The following NRP1 variants were observed in gnomAD, a reference collection of about 807,000 sequenced individuals.
The protein encoded by NRP1 is neuropilin 1.
Under a neutral mutation model 106.7 loss-of-function variants are expected in NRP1, and 35 were observed. The observed-to-expected ratio is 0.33, with a 90% CI of 0.25 to 0.43. NRP1 has a LOEUF of 0.43. Among genes scored for constraint, NRP1 ranks in the 20% least tolerant of loss-of-function variants. The probability of loss-of-function intolerance (pLI) is 1.00; values close to 1 mark genes in which losing one functional copy is unlikely to be tolerated. For synonymous variants in NRP1, 437 were observed against 417.9 expected (o/e 1.05, Z -0.56); for missense variants, 1,024 against 1,170.4 (o/e 0.87, Z 1.83).
Position 33,235,008 on chromosome 10 carries a change from C to G in NRP1, c.982-8719G>C, listed in dbSNP as rs369431590. 3.3e-5 allele frequency among the ~76,000 whole-genome samples: 5 copies of G among 152,296 alleles called. No homozygotes were observed. The South Asian group carries it at 1.0e-3, about 32-fold the overall frequency. Reference sequence around the variant, plus strand: ...ATGAAGGCCCCACACAAGGGCTGACCTCCGTCTTTTTTGGCAGATGAAAGG... The same window carrying G: ...ATGAAGGCCCCACACAAGGGCTGACGTCCGTCTTTTTTGGCAGATGAAAGG... On this transcript the variant is annotated intron_variant, in intron 6 of 16. Transcript: ENST00000374867.
intron 13 of NRP1, among the ~76,000 whole-genome samples, chr10:33,191,728 C>T (rs982507792): frequency 6.6e-6 from 1 of 152,068 alleles, no homozygotes; most frequent in African/African-American, 2.4e-5. Context: ...CCTATAATCC[C>T]AGCACTTTGG....
intron 13 of NRP1, among the ~76,000 whole-genome samples, chr10:33,189,762 A>G (rs1836281280): frequency 6.6e-6 from 1 of 152,182 alleles, no homozygotes; most frequent in South Asian, 2.1e-4. Context: ...AAACAACCCA[A>G]TGTCTGGCTT....
intron 3 of NRP1, among the ~76,000 whole-genome samples, chr10:33,269,165 C>G (rs960318758): frequency 6.6e-6 from 1 of 152,086 alleles, no homozygotes; most frequent in African/African-American, 2.4e-5. Context: ...ACATTAATGC[C>G]AACTTAAAAA....
intron 7 of NRP1, among the ~76,000 whole-genome samples, chr10:33,222,899 G>C (rs73257944): frequency 1.7e-4 from 26 of 152,330 alleles, no homozygotes; most frequent in African/African-American, 5.8e-4. Context: ...TTCCCACAAG[G>C]ACTCGTGGGG....
intron 7 of NRP1, among the ~76,000 whole-genome samples, chr10:33,225,900 C>CA (rs2132938080): frequency 6.6e-6 from 1 of 152,334 alleles, no homozygotes; most frequent in African/African-American, 2.4e-5. Flanking sequence ...TTGAGTCTGA[C>CA]ACTTAATTTG....
At position 33,264,120 on chromosome 10, in the gene NRP1, G is replaced by A. The variant is rs539783857; in HGVS notation, c.431-247C>T. Among the ~76,000 whole-genome samples the A allele has an allele frequency of 1.7e-3, 254 of 152,270 alleles. 1 individual carries two copies. Among genetic ancestry groups the A allele is most frequent in the African/African-American group, 5.7e-3 (236 of 41,546 alleles). On this transcript the variant is annotated intron_variant, in intron 3 of 16. Transcript: ENST00000374867. Reference sequence around the variant, plus strand: ...ATTTAAAGACTTCTGCTGTTGCAGGGAAAAATATGACAAATATAAAATCAT... The same window carrying A: ...ATTTAAAGACTTCTGCTGTTGCAGGAAAAAATATGACAAATATAAAATCAT...
chr10:33,213,256 C>T (rs1256527047), intron 9 of NRP1, 130 bp downstream of exon 9: 1 of 1,608,410 alleles, frequency 6.2e-7, no homozygotes, highest in East Asian at 2.2e-5. Flanking sequence ...GTCTTACTGA[C>T]CCCATCACAC....
At chr10:33,273,842 G>A (rs1006990524) in intron 2 of NRP1, among the ~76,000 whole-genome samples, 1 of 152,050 alleles carries the variant, frequency 6.6e-6, no homozygotes, top group Non-Finnish European at 1.5e-5. Context: ...GGCTATGAAT[G>A]GGTCCAAAGG....
intron 2 of NRP1, among the ~76,000 whole-genome samples, chr10:33,305,502 G>C (rs901807550): frequency 6.6e-6 from 1 of 152,098 alleles, no homozygotes; most frequent in African/African-American, 2.4e-5. Flanking sequence ...TATGGCTGAA[G>C]ACAAGTGTGT....
In NRP1 at chr10:33,215,528, A is replaced by G. The variant is rs575333304; in HGVS notation, c.1283-1811T>C. Among the ~76,000 whole-genome samples, 113 of 152,372 alleles carry G rather than the reference A, an allele frequency of 7.4e-4. 1 individual carries two copies. Among genetic ancestry groups the G allele is most frequent in the African/African-American group, 2.5e-3 (106 of 41,594 alleles). ...CGCTGGCTTAATGACAAAATGTCCA[A>G]CACTTCAAGTATTTTCCTTTAGAAA... On this transcript the variant is annotated intron_variant, in intron 8 of 16. Coordinates refer to ENST00000374867, the MANE Select transcript of NRP1 (RefSeq NM_003873.7).
In NRP1 at chr10:33,202,956, A is replaced by G. The variant is rs554875974; in HGVS notation, c.1799T>C (p.Val600Ala). The G allele has an allele frequency of 1.7e-5, 27 of 1,614,192 alleles. No homozygotes were observed. The African/African-American group carries it at 2.7e-4, about 16-fold the overall frequency. ...AGPTTPNGNL[V>A]DECDDDQANC... ...GGCCTGGTCGTCATCACATTCATCC[A>G]CCAAGTTCCCGTTGGGAGTGGTCGG... Residue 600 changes from valine (V) to alanine (A), a missense_variant, in exon 11 of 17, where the codon GTG (valine) becomes GCG (alanine). Val to Ala is a moderately conservative substitution (Grantham distance 64). Coordinates refer to ENST00000374867, the MANE Select transcript of NRP1 (RefSeq NM_003873.7).
intron 16 of NRP1, among the ~76,000 whole-genome samples, chr10:33,180,776 C>T (rs560295959): frequency 6.6e-6 from 1 of 152,318 alleles, no homozygotes; most frequent in African/African-American, 2.4e-5. Flanking sequence ...AAAACAGGCA[C>T]AAGAAAAACC....
At chr10:33,202,142 C>T (rs988464028) in intron 11 of NRP1, 1 of 152,378 alleles carries the variant, frequency 6.6e-6, no homozygotes, top group Admixed American at 6.5e-5. Flanking sequence ...TCCCACGATA[C>T]CTTTTGCAAC....
chr10:33,203,915 T>G (rs2132714656), intron 10 of NRP1, among the ~76,000 whole-genome samples: 1 of 138,062 alleles, frequency 7.2e-6, no homozygotes, highest in East Asian at 3.0e-4. Context: ...TAATTTTTTG[T>G]ATTTTTAGTA....
At chr10:33,314,995 A>G (rs1452730021) in intron 2 of NRP1, among the ~76,000 whole-genome samples, 1 of 152,204 alleles carries the variant, frequency 6.6e-6, no homozygotes, top group Non-Finnish European at 1.5e-5. Flanking sequence ...GGTGGTTTGG[A>G]CCTGAGCCCA....
At chr10:33,191,341 T>C (rs926691769) in intron 13 of NRP1, among the ~76,000 whole-genome samples, 3 of 152,222 alleles carry the variant, frequency 2.0e-5, no homozygotes, top group Non-Finnish European at 4.4e-5. Flanking sequence ...GGTTGTGATC[T>C]AGGGCATGGT....
intron 5 of NRP1, among the ~76,000 whole-genome samples, chr10:33,255,531 T>G (rs930801121): frequency 1.3e-5 from 2 of 152,220 alleles, no homozygotes; most frequent in Non-Finnish European, 2.9e-5. Flanking sequence ...TATAGCTCAC[T>G]GCAGCCTTAA....
Position 33,185,640 on chromosome 10 carries a change from C to T in NRP1, c.2419G>A (p.Glu807Lys). 1 of 1,613,298 alleles carries T rather than the reference C, an allele frequency of 6.2e-7. No homozygotes were observed. Among genetic ancestry groups the T allele is most frequent in the Non-Finnish European group, 8.5e-7 (1 of 1,179,240 alleles). Reference protein sequence around the residue: ...DISINNHISQEDCAKPADLDK... With the variant: ...DISINNHISQKDCAKPADLDK... ...AGCTCATACTTACTTGCACAATCTT[C>T]TTGTGAAATGTGGTTATTAATACTA... Residue 807 changes from glutamate (E) to lysine (K), a missense_variant, in exon 15 of 17, where the codon GAA becomes AAA. Around this residue, in one of 5 missense-constraint regions of NRP1, gnomAD observed 164 missense variants for 161.4 expected, o/e 1.02. Coordinates refer to ENST00000374867, the MANE Select transcript of NRP1 (RefSeq NM_003873.7).
intron 10 of NRP1, 101 bp downstream of exon 10, chr10:33,207,471 G>C: frequency 1.5e-6 from 2 of 1,346,536 alleles, no homozygotes; most frequent in Non-Finnish European, 2.1e-6. Flanking sequence ...GCCTCCCAAG[G>C]GAAAAGGGTA....
Sources: gnomAD v4.1 joint callset for allele counts (sites outside exome capture counted in the v4.1 genomes callset) on GRCh38, gnomAD v4.1.1 for gene constraint, gnomAD v4.1.1 regional missense constraint, MANE v1.5 for transcripts, NCBI Gene and HGNC (gene_info 2026-07-23, HGNC 2026-07-21) for gene names.